RNGTT: variants seen among roughly 807,000 people sequenced by gnomAD.
RNGTT encodes the protein mRNA-capping enzyme.
In RNGTT, 33 loss-of-function variants were observed where a neutral mutation model predicts 79.3. The observed-to-expected ratio is 0.42, with a 90% CI of 0.32 to 0.56. RNGTT has a LOEUF of 0.56. Among genes scored for constraint, RNGTT ranks in the 20% least tolerant of loss-of-function variants. The probability of loss-of-function intolerance (pLI) is 0.17; values close to 1 mark genes in which losing one functional copy is unlikely to be tolerated. For synonymous variants in RNGTT, 222 were observed against 235.9 expected (o/e 0.94, Z 0.54); for missense variants, 497 against 739.1 (o/e 0.67, Z 3.80).
At chr6:88,704,259 CAAAAAAAAA>C (rs35623392) in intron 13 of RNGTT, among the ~76,000 whole-genome samples, 29 of 48,732 alleles carry the variant, frequency 6.0e-4, no homozygotes, top group South Asian at 1.4e-3. Context: ...GACTCTGTCT[CAAAAAAAAA>C]AAAAAAAAAA....
intron 14 of RNGTT, among the ~76,000 whole-genome samples, chr6:88,638,545 T>C (rs1365432003): frequency 6.6e-6 from 1 of 152,172 alleles, no homozygotes; most frequent in African/African-American, 2.4e-5. Flanking sequence ...AGTTCAATGT[T>C]CTACCTAATT....
rs565866895 is a variant in RNGTT, at chr6:88,610,699, T to A, written c.*2020A>T. On this transcript the variant is annotated 3_prime_UTR_variant, in exon 16 of 16. Transcript: ENST00000369485. Reference sequence around the variant, plus strand: ...ATAAATTAAGAAAATTAAGTCCTGCTAAAATGCACAAAGACTTGAAGAAAA... The same window carrying A: ...ATAAATTAAGAAAATTAAGTCCTGCAAAAATGCACAAAGACTTGAAGAAAA... 6.6e-6 allele frequency: 1 copy of A among 152,344 alleles called. No homozygotes were observed. The highest frequency in any genetic ancestry group is 2.1e-4 in the South Asian group (1 of 4,828). 9.4% of individuals were successfully genotyped at this position (152,344 alleles called of 1,614,324 possible). A position where few individuals can be genotyped will look rare whatever the true frequency, so the allele number is the denominator to read the frequency against.
chr6:88,731,641 C>T (rs915665038), intron 13 of RNGTT, among the ~76,000 whole-genome samples: 1 of 151,946 alleles, frequency 6.6e-6, no homozygotes, highest in African/African-American at 2.4e-5. Context: ...ATGTATTCAC[C>T]AAAAGATACC....
intron 14 of RNGTT, among the ~76,000 whole-genome samples, chr6:88,627,797 C>T (rs1772689531): frequency 6.6e-6 from 1 of 152,004 alleles, no homozygotes; most frequent in Non-Finnish European, 1.5e-5. Context: ...TTTAGTTTAG[C>T]AAAAAATGTT....
chr6:88,614,322 A>G lies in RNGTT; in HGVS notation c.1580T>C (p.Met527Thr), dbSNP rs1168281053. The G allele has an allele frequency of 1.9e-6, 3 of 1,613,844 alleles. No individual in the cohort carries two copies. The highest frequency in any genetic ancestry group is 2.5e-6 in the Non-Finnish European group (3 of 1,179,732). The stretch of plus-strand genomic sequence containing the variant: ...AAAACTTTTGTCTGTTCTCTGTCTC[A>G]TGAAGACCCAGCTGTTGTTCTCAAA... ...CKFENNSWVFMRQRTDKSFPN... is the reference protein window; with the variant it reads ...CKFENNSWVFTRQRTDKSFPN... Residue 527 changes from methionine (M) to threonine (T), a missense_variant, in exon 15 of 16, where the codon ATG (methionine) becomes ACG (threonine). Met to Thr is a moderately conservative substitution (Grantham distance 81, BLOSUM62 -1). Coordinates refer to ENST00000369485, the MANE Select transcript of RNGTT (RefSeq NM_003800.5).
intron 12 of RNGTT, among the ~76,000 whole-genome samples, chr6:88,800,771 C>T (rs901345210): frequency 2.5e-4 from 38 of 152,218 alleles, no homozygotes; most frequent in African/African-American, 8.0e-4. Flanking sequence ...CACCGTCCTA[C>T]AGAACATGGG....
chr6:88,875,546 G>A (rs914384610), intron 8 of RNGTT, among the ~76,000 whole-genome samples: 15 of 152,050 alleles, frequency 9.9e-5, no homozygotes, highest in Non-Finnish European at 2.2e-4. Context: ...AAAGGATTCT[G>A]GGCTCTGGGG....
chr6:88,956,864 C>A (rs1467534763), intron 1 of RNGTT, among the ~76,000 whole-genome samples: 2 of 152,006 alleles, frequency 1.3e-5, no homozygotes, highest in African/African-American at 2.4e-5. Context: ...CGTGGTGAAA[C>A]CCCGCTTCTA....
At chr6:88,773,498 T>C (rs935987863) in intron 12 of RNGTT, among the ~76,000 whole-genome samples, 1 of 141,504 alleles carries the variant, frequency 7.1e-6, no homozygotes, top group African/African-American at 2.6e-5. Context: ...AAATTATTGG[T>C]AAAAAAAAAA....
At chr6:88,863,064 A>G (rs1782063686) in intron 8 of RNGTT, among the ~76,000 whole-genome samples, 1 of 152,210 alleles carries the variant, frequency 6.6e-6, no homozygotes, top group Non-Finnish European at 1.5e-5. Context: ...TTAAGCCCAC[A>G]GCTCCCTTCT....
chr6:88,697,500 G>A (rs902085432), intron 13 of RNGTT, among the ~76,000 whole-genome samples: 1 of 151,910 alleles, frequency 6.6e-6, no homozygotes, highest in African/African-American at 2.4e-5. Context: ...GTAGTGAGCA[G>A]AGATTATGCC....
At chr6:88,765,992 T>C (rs1002163482) in intron 13 of RNGTT, among the ~76,000 whole-genome samples, 4 of 152,160 alleles carry the variant, frequency 2.6e-5, no homozygotes, top group African/African-American at 7.2e-5. Flanking sequence ...ACAGGTAGTA[T>C]TGCAGAGGCA....
chr6:88,904,632 G>A lies in RNGTT; in HGVS notation c.684+83C>T, dbSNP rs1424870186. 3 of 1,411,018 alleles carry A rather than the reference G, an allele frequency of 2.1e-6. No homozygotes were observed. In the African/African-American group the frequency reaches 4.4e-5, roughly 21 times the overall value. The allele number at this position is 1,411,018 out of a possible 1,614,324, so 87.4% of individuals were successfully genotyped here. A position where few individuals can be genotyped will look rare whatever the true frequency, so the allele number is the denominator to read the frequency against. The stretch of plus-strand genomic sequence containing the variant: ...CTGACAAACCTAGCTAAAGAAACAT[G>A]GCCAATATTCCATTTTTATAAATCT... On this transcript the variant is annotated intron_variant, in intron 6 of 15. Transcript: ENST00000369485.
rs1042347569 is a variant in RNGTT, at chr6:88,785,174, G to A, written c.1339-15300C>T. On this transcript the variant is annotated intron_variant, in intron 12 of 15. Transcript: ENST00000369485. ...TGTTTAATATGTATCATTTATATGA[G>A]AACTGATTTGGTATTCTGTATATTT... is the stretch of plus-strand genomic sequence containing the variant. 3.3e-5 allele frequency among the ~76,000 whole-genome samples: 5 copies of A among 152,100 alleles called. No homozygotes were observed. The Middle Eastern group carries it at 0.01, about 313-fold the overall frequency.
chr6:88,891,658 T>C (rs1483868826), intron 7 of RNGTT, 148 bp downstream of exon 7: 16 of 458,550 alleles, frequency 3.5e-5, no homozygotes, highest in Non-Finnish European at 6.0e-5. Flanking sequence ...GGTTATTGCA[T>C]TGATTGTCTT....
intron 8 of RNGTT, among the ~76,000 whole-genome samples, chr6:88,855,552 GA>G (rs901294679): frequency 2.6e-5 from 4 of 151,096 alleles, no homozygotes; most frequent in Admixed American, 2.6e-4. Flanking sequence ...CAACATAATA[GA>G]AAAAAATTTT....
chr6:88,732,629 A>C (rs529306689), intron 13 of RNGTT, among the ~76,000 whole-genome samples: 344 of 152,342 alleles, frequency 2.3e-3, no homozygotes, highest in Non-Finnish European at 2.9e-3. Flanking sequence ...CAAATGAATA[A>C]GTAAAATGTG....
chr6:88,788,322 G>A (rs184390777), intron 12 of RNGTT, among the ~76,000 whole-genome samples: 3 of 152,180 alleles, frequency 2.0e-5, no homozygotes, highest in Non-Finnish European at 2.9e-5. Flanking sequence ...GGTAGAAGAC[G>A]GAAGAGCTCG....
chr6:88,614,253 G>A lies in RNGTT; in HGVS notation c.1630+19C>T, dbSNP rs770030544. ...TTTTGTTTTAAATATAATAAGCACTGGTAAGTTGTCATACTCACCCATGGC... is the reference window on the plus strand; with the variant it reads ...TTTTGTTTTAAATATAATAAGCACTAGTAAGTTGTCATACTCACCCATGGC... On this transcript the variant is annotated intron_variant, in intron 15 of 15. Transcript: ENST00000369485. The A allele has an allele frequency of 2.5e-6, 4 of 1,612,308 alleles. No individual in the cohort carries two copies. Among genetic ancestry groups the A allele is most frequent in the East Asian group, 2.2e-5 (1 of 44,846 alleles).
Sources: gnomAD v4.1 joint callset for allele counts (sites outside exome capture counted in the v4.1 genomes callset) on GRCh38, gnomAD v4.1.1 for gene constraint, MANE v1.5 for transcripts, NCBI Gene and HGNC (gene_info 2026-07-23, HGNC 2026-07-21) for gene names.